Variants in TRPM2 observed in about 807,000 individuals in gnomAD.
The protein encoded by TRPM2 is estrogen-responsive element-associated gene 1 protein.
Under a neutral mutation model 174.0 loss-of-function variants are expected in TRPM2, and 161 were observed. The ratio of observed to expected loss-of-function variants is 0.93; its 90% confidence interval spans 0.81 to 1.05. TRPM2 has a LOEUF of 1.05. Among genes scored for constraint, TRPM2 ranks in the 50% least tolerant of loss-of-function variants. TRPM2 has a pLI of 0.00. For synonymous variants in TRPM2, 954 were observed against 861.3 expected, an observed-to-expected ratio of 1.11 and a Z score of -1.88; for missense variants, 2,057 against 2,038.0, an observed-to-expected ratio of 1.01 and a Z score of -0.18.
At chr21:44,427,611 G>A (rs758084993) in intron 27 of TRPM2, among the ~76,000 whole-genome samples, 23 of 152,328 alleles carry the variant, frequency 1.5e-4, no homozygotes, top group Admixed American at 1.4e-3. Flanking sequence ...GAAGGAAGGA[G>A]CCTGGGAGTC....
Position 44,401,708 on chromosome 21 carries a change from C to G in TRPM2, c.2349C>G (p.Thr783=). The stretch of plus-strand genomic sequence containing the variant: ...AGAAGAGGCTGCAGGATGTGGGCAC[C>G]CCCGCGGCCCGCGCCCGTGCCTTCT... ...FREKRLQDVG[T]PAARARAFFT... is the part of the protein sequence containing the mutation. Residue 783 remains threonine (T), a synonymous_variant, in exon 16 of 32, where the codon ACC becomes ACG. Transcript: ENST00000397928. 6.2e-7 allele frequency: 1 copy of G among 1,613,166 alleles called. No individual in the cohort carries two copies. The highest frequency in any genetic ancestry group is 8.5e-7 in the Non-Finnish European group (1 of 1,179,878).
At chr21:44,369,108 G>C (rs2048444470) in intron 4 of TRPM2, 69 bp from the exon 5 acceptor site, 25 of 1,408,714 alleles carry the variant, frequency 1.8e-5, no homozygotes, top group Admixed American at 3.0e-5. Flanking sequence ...AAGGGCTCAG[G>C]CGTCAGGCTC....
upstream of TRPM2, among the ~76,000 whole-genome samples, chr21:44,351,960 G>A (rs899499921): frequency 6.6e-6 from 1 of 152,218 alleles, no homozygotes; most frequent in Non-Finnish European, 1.5e-5. Context: ...GTCCCACACC[G>A]TGGACCCTCC....
intron 9 of TRPM2, among the ~76,000 whole-genome samples, chr21:44,390,029 C>T (rs1211901803): frequency 2.0e-5 from 3 of 152,010 alleles, no homozygotes; most frequent in Admixed American, 6.6e-5. Context: ...TCCACCACCA[C>T]GCCTGGCTAA....
At chr21:44,423,953 A>G (rs2050646190) in intron 23 of TRPM2, among the ~76,000 whole-genome samples, 1 of 152,196 alleles carries the variant, frequency 6.6e-6, no homozygotes, top group Non-Finnish European at 1.5e-5. Flanking sequence ...GTGTGCACTG[A>G]GGCCTCCACG....
intron 9 of TRPM2, among the ~76,000 whole-genome samples, chr21:44,387,207 G>A (rs1057145878): frequency 4.6e-5 from 7 of 152,054 alleles, no homozygotes; most frequent in African/African-American, 1.7e-4. Flanking sequence ...AAAAAGATAT[G>A]GAGACCAATG....
intron 16 of TRPM2, 108 bp from the exon 17 acceptor site, chr21:44,405,034 A>G: frequency 1.4e-6 from 2 of 1,434,542 alleles, no homozygotes; most frequent in Non-Finnish European, 1.9e-6. Context: ...GATAGTGATG[A>G]TAGTGACAGT....
intron 29 of TRPM2, 39 bp downstream of exon 29, chr21:44,437,206 G>T: frequency 1.3e-6 from 2 of 1,512,912 alleles, no homozygotes; most frequent in Non-Finnish European, 9.0e-7. Flanking sequence ...CCACTGGGCT[G>T]TCTGTGGGTC....
intron 19 of TRPM2, among the ~76,000 whole-genome samples, chr21:44,410,333 C>T (rs147925433): frequency 3.9e-5 from 2 of 51,386 alleles, no homozygotes; most frequent in African/African-American, 6.1e-5. Flanking sequence ...AAGTTTTGAC[C>T]ACACTGTCTT....
At position 44,369,342 on chromosome 21, in the gene TRPM2, C is replaced by A. The variant is rs775234243; in HGVS notation, c.770C>A (p.Thr257Lys). ...CGCCGCGAGGGCCTGATCCATCCCA[C>A]GGTGAGTGCGGCCCCCTAGGGAGGG... ...VHRREGLIHP[T>K]GSFPAEYILD... Residue 257 changes from threonine (T) to lysine (K), a missense_variant and splice_region_variant, in exon 5 of 32, where the codon ACG (threonine) becomes AAG (lysine). Transcript: ENST00000397928. 6 of 1,608,804 alleles carry A rather than the reference C, an allele frequency of 3.7e-6. No individual in the cohort carries two copies. In the East Asian group the frequency reaches 1.3e-4, roughly 36 times the overall value.
chr21:44,435,992 C>T (rs2051248113), intron 28 of TRPM2, among the ~76,000 whole-genome samples: 1 of 151,474 alleles, frequency 6.6e-6, no homozygotes, highest in Non-Finnish European at 1.5e-5. Context: ...GGACACAGCC[C>T]CACACTCACC....
intron 11 of TRPM2, among the ~76,000 whole-genome samples, chr21:44,394,500 T>C (rs144400193): frequency 0.013 from 1,935 of 151,932 alleles, 40 homozygotes; most frequent in African/African-American, 0.044. Flanking sequence ...TTTGTATTTT[T>C]AGTAGAGATG....
rs190635958 is a variant in TRPM2 at position 44,385,024 on chromosome 21, C to T, written c.1318+2204C>T. 1.5e-4 allele frequency among the ~76,000 whole-genome samples: 23 copies of T among 152,264 alleles called. No individual in the cohort carries two copies. In the East Asian group the frequency reaches 3.7e-3, roughly 24 times the overall value. ...CCAATATCCATTATGAACATTGATA[C>T]GAAATTCTTCAACAAAATATTAGCA... On this transcript the variant is annotated intron_variant, in intron 9 of 31. Coordinates refer to ENST00000397928, the MANE Select transcript of TRPM2 (RefSeq NM_003307.4).
At position 44,369,249 on chromosome 21, in the gene TRPM2, G is replaced by C; in HGVS notation, c.677G>C (p.Ser226Thr). ...GTAGGCGAGGCGGTGCGGGACTTCA[G>C]CCTGAGCAGCAGCTACAAGGAAGGC... ...KQVGEAVRDF[S>T]LSSSYKEGEL... The change falls in exon 5 of 32, where the codon AGC becomes ACC. Residue 226 changes from serine to threonine, a missense_variant. Ser to Thr is a moderately conservative substitution (Grantham distance 58). Coordinates refer to ENST00000397928, the MANE Select transcript of TRPM2 (RefSeq NM_003307.4). 1 of 1,613,762 alleles carries C rather than the reference G, an allele frequency of 6.2e-7. No individual in the cohort carries two copies. Among genetic ancestry groups the C allele is most frequent in the East Asian group, 2.2e-5 (1 of 44,870 alleles).
intron 23 of TRPM2, among the ~76,000 whole-genome samples, chr21:44,424,645 G>A (rs2050683961): frequency 6.6e-6 from 1 of 152,188 alleles, no homozygotes; most frequent in Admixed American, 6.5e-5. Flanking sequence ...GGCAGCCCCC[G>A]GGGGGAGCCG....
In TRPM2 at chr21:44,391,221, AC is replaced by A. The variant is rs772544652; in HGVS notation, c.1441-50del. Reference sequence around the variant, plus strand: ...CTCCAGGGTCTTTGAGATCAGGATGACATGGGGTGATGACCAAATGCAACCG... The same window carrying A: ...CTCCAGGGTCTTTGAGATCAGGATGAATGGGGTGATGACCAAATGCAACCG... On this transcript the variant is annotated intron_variant, in intron 10 of 31. Coordinates refer to ENST00000397928, the MANE Select transcript of TRPM2 (RefSeq NM_003307.4). The surrounding 1 kb of genome is among the most constrained non-coding windows in gnomAD (Gnocchi z 5.0). The A allele has an allele frequency of 1.9e-6, 3 of 1,566,480 alleles. No individual in the cohort carries two copies. In the Admixed American group the frequency reaches 5.2e-5, roughly 27 times the overall value.
chr21:44,425,590 C>G, intron 24 of TRPM2, 80 bp from the exon 25 acceptor site: 1 of 1,400,544 alleles, frequency 7.1e-7, no homozygotes, highest in South Asian at 1.5e-5. Context: ...GCGGAAGGAC[C>G]ACAGAGGAAG....
chr21:44,359,236 T>C (rs1009064751), intron 2 of TRPM2, among the ~76,000 whole-genome samples: 5 of 152,058 alleles, frequency 3.3e-5, no homozygotes, highest in Non-Finnish European at 7.4e-5. Flanking sequence ...ATTGGTCCAT[T>C]TTATGGTGTG....
chr21:44,419,779 A>ATGATGTTGATGGTGATGATGGCAG (rs1333955428), intron 22 of TRPM2, among the ~76,000 whole-genome samples: 8 of 73,416 alleles, frequency 1.1e-4, no homozygotes, highest in South Asian at 4.3e-4. Flanking sequence ...GGTGGTGGTG[A>ATGATGTTGATGGTGATGATGGCAG]TGGTAGTGGT....
Sources: allele counts gnomAD v4.1 joint callset (sites outside exome capture counted in the v4.1 genomes callset), GRCh38; gene constraint gnomAD v4.1.1; non-coding constraint Gnocchi (gnomAD v3.1); transcripts MANE v1.5; gene names NCBI Gene and HGNC (gene_info 2026-07-23, HGNC 2026-07-21).